Variants in TMEM272 observed in about 807,000 individuals in gnomAD.
TMEM272 encodes long intergenic non-protein coding RNA 282.
In TMEM272, 8 loss-of-function variants were observed where a neutral mutation model predicts 3.7. That is an observed-to-expected ratio of 2.17 (90% CI 1.27 to 3.91). TMEM272 has a LOEUF of 3.91. TMEM272 is among the 30% of genes most tolerant of loss of function. The probability of loss-of-function intolerance (pLI) is 0.00; values close to 1 mark genes in which losing one functional copy is unlikely to be tolerated. For missense variants in TMEM272, 166 were observed against 91.5 expected, an observed-to-expected ratio of 1.81 and a Z score of -3.32; for synonymous variants, 63 against 39.8, an observed-to-expected ratio of 1.58 and a Z score of -2.20.
chr13:51,919,787 TCTC>T, the TMEM272 span, among the ~76,000 whole-genome samples: 1 of 152,236 alleles, frequency 6.6e-6, no homozygotes, highest in East Asian at 1.9e-4. Context: ...AGCATGTCGC[TCTC>T]CTCACCTGCC....
At chr13:51,914,237 G>A in the TMEM272 span, among the ~76,000 whole-genome samples, 4 of 152,298 alleles carry the variant, frequency 2.6e-5, no homozygotes, top group South Asian at 2.1e-4. Flanking sequence ...GAGTTGGATC[G>A]TGTAACTTGT....
chr13:51,845,366 C>G (rs1217302646), upstream of TMEM272, among the ~76,000 whole-genome samples: 1 of 152,134 alleles, frequency 6.6e-6, no homozygotes, highest in African/African-American at 2.4e-5. Flanking sequence ...CATTTCATTT[C>G]AGTCCCTTAG....
chr13:51,914,652 A>C, the TMEM272 span, among the ~76,000 whole-genome samples: 2 of 152,200 alleles, frequency 1.3e-5, no homozygotes, highest in Admixed American at 6.5e-5. Context: ...GGCAATGGTT[A>C]ATTGCACTGT....
chr13:51,910,358 T>C, the TMEM272 span: 1 of 1,173,840 alleles, frequency 8.5e-7, no homozygotes, highest in Non-Finnish European at 1.3e-6. Flanking sequence ...GTCTACATTT[T>C]TCTTCAATTA....
intron 4 of TMEM272, among the ~76,000 whole-genome samples, chr13:51,817,531 C>G (rs9535763): frequency 0.33 from 50,908 of 152,064 alleles, 10,559 homozygotes; most frequent in Non-Finnish European, 0.45. Context: ...TGAAATATAT[C>G]CCTCTGTCTT....
intron 2 of TMEM272, among the ~76,000 whole-genome samples, chr13:51,826,922 GC>G: frequency 6.6e-6 from 1 of 152,156 alleles, no homozygotes; most frequent in East Asian, 1.9e-4. Context: ...TTTATAAACT[GC>G]CACTGTGCCC....
At chr13:51,835,186 G>A (rs1358147194) in intron 2 of TMEM272, among the ~76,000 whole-genome samples, 3 of 151,712 alleles carry the variant, frequency 2.0e-5, no homozygotes, top group Admixed American at 6.6e-5. Context: ...TCTGAAGATT[G>A]TTCTTAAAAC....
intron 1 of TMEM272, among the ~76,000 whole-genome samples, 196 bp downstream of exon 1, chr13:51,844,820 A>G (rs963894333): frequency 7.2e-5 from 11 of 151,948 alleles, no homozygotes; most frequent in Non-Finnish European, 1.5e-4. Flanking sequence ...TCTCCAGAAA[A>G]CCCATCTCCC....
chr13:51,829,307 TAAA>T (rs1190281844), intron 2 of TMEM272, among the ~76,000 whole-genome samples: 1 of 152,124 alleles, frequency 6.6e-6, no homozygotes, highest in Non-Finnish European at 1.5e-5. Context: ...AAACAGCAAA[TAAA>T]AAGGCCAAAA....
the TMEM272 span, among the ~76,000 whole-genome samples, chr13:51,867,839 C>T: frequency 9.1e-3 from 1,382 of 152,214 alleles, 25 homozygotes; most frequent in African/African-American, 0.031. Flanking sequence ...CTGCCAGGGG[C>T]CCACACTCAA....
chr13:51,918,278 C>T, the TMEM272 span, among the ~76,000 whole-genome samples: 3 of 152,332 alleles, frequency 2.0e-5, no homozygotes, highest in South Asian at 2.1e-4. Flanking sequence ...TGGAACTTTC[C>T]TGACAGCCCC....
chr13:51,840,948 G>A (rs1956257674), intron 1 of TMEM272, among the ~76,000 whole-genome samples: 1 of 152,222 alleles, frequency 6.6e-6, no homozygotes, highest in Non-Finnish European at 1.5e-5. Flanking sequence ...GGTTTGCCAG[G>A]TGCACATCCG....
At chr13:51,876,219 G>A in the TMEM272 span, among the ~76,000 whole-genome samples, 3 of 152,230 alleles carry the variant, frequency 2.0e-5, no homozygotes, top group Admixed American at 6.5e-5. Flanking sequence ...CAAACTCCCC[G>A]GACTCCACCA....
At chr13:51,911,999 G>A in the TMEM272 span, among the ~76,000 whole-genome samples, 1 of 151,942 alleles carries the variant, frequency 6.6e-6, no homozygotes, top group Admixed American at 6.6e-5. Context: ...CACCCACATG[G>A]CCACTCCCTC....
chr13:51,925,502 C>T, the TMEM272 span, among the ~76,000 whole-genome samples: 8 of 152,128 alleles, frequency 5.3e-5, no homozygotes, highest in Non-Finnish European at 1.0e-4. Context: ...GCAATACACA[C>T]ATCCCTACAC....
chr13:51,921,664 G>A, the TMEM272 span: 1 of 152,386 alleles, frequency 6.6e-6, no homozygotes, highest in Non-Finnish European at 1.5e-5. Context: ...AGGCCACAGG[G>A]GAAGCTCTGG....
chr13:51,843,152 T>C (rs2139592338), intron 1 of TMEM272, among the ~76,000 whole-genome samples: 1 of 152,352 alleles, frequency 6.6e-6, no homozygotes, highest in Non-Finnish European at 1.5e-5. Context: ...CAGTGATATT[T>C]TGCCAATTCT....
At chr13:51,883,580 C>T in the TMEM272 span, among the ~76,000 whole-genome samples, 1 of 152,020 alleles carries the variant, frequency 6.6e-6, no homozygotes, top group Non-Finnish European at 1.5e-5. Context: ...GGAAAAAGCA[C>T]CATTCAATTG....
the TMEM272 span, among the ~76,000 whole-genome samples, chr13:51,912,688 C>T: frequency 2.6e-5 from 4 of 152,314 alleles, no homozygotes; most frequent in African/African-American, 9.6e-5. Flanking sequence ...CTACCAGTGG[C>T]ACTGACCTCG....
Sources: gnomAD v4.1 joint callset for allele counts (sites outside exome capture counted in the v4.1 genomes callset) on GRCh38, gnomAD v4.1.1 for gene constraint, MANE v1.5 for transcripts, NCBI Gene and HGNC (gene_info 2026-07-23, HGNC 2026-07-21) for gene names.